FGF14: variants seen among roughly 807,000 people sequenced by gnomAD.
FGF14 encodes the protein fibroblast growth factor homologous factor 4.
In FGF14, 5 loss-of-function variants were observed where a neutral mutation model predicts 25.5. That is an observed-to-expected ratio of 0.20 (90% CI 0.10 to 0.41). The LOEUF is 0.41. Ranked by LOEUF, FGF14 falls within the 10% of genes least tolerant of loss-of-function variation. The pLI, the probability that FGF14 is intolerant of heterozygous loss-of-function variation, is 1.00. For synonymous variants in FGF14, 138 were observed against 118.3 expected (o/e 1.17, Z -1.08); for missense variants, 222 against 320.1 (o/e 0.69, Z 2.34).
At chr13:102,035,601 C>T (rs1358230536) in intron 1 of FGF14, among the ~76,000 whole-genome samples, 1 of 152,156 alleles carries the variant, frequency 6.6e-6, no homozygotes, top group Non-Finnish European at 1.5e-5. Flanking sequence ...GCATTGCTAA[C>T]TTTTACTTTT....
chr13:102,297,627 T>G (rs1217510549), intron 1 of FGF14, among the ~76,000 whole-genome samples: 1 of 151,972 alleles, frequency 6.6e-6, no homozygotes, highest in Non-Finnish European at 1.5e-5. Flanking sequence ...GGTTCATGCT[T>G]ATAATCCCAG....
At chr13:101,819,729 T>C (rs1436914291) in intron 3 of FGF14, among the ~76,000 whole-genome samples, 3 of 152,180 alleles carry the variant, frequency 2.0e-5, no homozygotes, top group Non-Finnish European at 2.9e-5. Context: ...TATTATAATA[T>C]GGATTTTTAG....
intron 1 of FGF14, among the ~76,000 whole-genome samples, chr13:102,155,209 C>T (rs4399419): frequency 0.058 from 8,858 of 152,288 alleles, 893 homozygotes; most frequent in East Asian, 0.5. Context: ...ACAGAATATA[C>T]ATTCTTTTCA....
At chr13:102,006,727 C>CTTTTTTTTTTTTTTTTTTTTTT (rs774872814) in intron 1 of FGF14, among the ~76,000 whole-genome samples, 2 of 61,948 alleles carry the variant, frequency 3.2e-5, no homozygotes, top group African/African-American at 1.4e-4. Context: ...AATCTTACTT[C>CTTTTTTTTTTTTTTTTTTTTTT]TTTTTTTTTT....
At chr13:102,192,063 C>T (rs530531693) in intron 1 of FGF14, among the ~76,000 whole-genome samples, 1 of 152,310 alleles carries the variant, frequency 6.6e-6, no homozygotes, top group East Asian at 1.9e-4. Flanking sequence ...TTACACAGCC[C>T]TGTCTCCAAG....
At chr13:102,014,987 C>G (rs891582708) in intron 1 of FGF14, among the ~76,000 whole-genome samples, 1 of 152,188 alleles carries the variant, frequency 6.6e-6, no homozygotes, top group African/African-American at 2.4e-5. Context: ...ATGGCACAAT[C>G]TCAGCTCACC....
At chr13:101,829,130 G>C (rs2140273104) in intron 3 of FGF14, among the ~76,000 whole-genome samples, 1 of 152,210 alleles carries the variant, frequency 6.6e-6, no homozygotes, top group Middle Eastern at 3.4e-3. Context: ...AAAAAGCAAA[G>C]TCAAGGAATA....
intron 1 of FGF14, among the ~76,000 whole-genome samples, chr13:102,004,062 T>C (rs930538700): frequency 6.6e-6 from 1 of 152,172 alleles, no homozygotes; most frequent in African/African-American, 2.4e-5. Context: ...TGCTGCTGAG[T>C]ACCAGATTTC....
At chr13:101,795,119 C>T (rs985652163) in intron 3 of FGF14, among the ~76,000 whole-genome samples, 19 of 152,192 alleles carry the variant, frequency 1.2e-4, no homozygotes, top group Middle Eastern at 6.8e-3. Context: ...GGCTGAAAAG[C>T]GCTTGTATTA....
rs988104789 is a variant in FGF14, at chr13:101,722,167, G to GTGTT, written c.*660_*663dup. The GTGTT allele has an allele frequency of 1.4e-4, 24 of 166,274 alleles. No homozygotes were observed. Among genetic ancestry groups the GTGTT allele is most frequent in the Admixed American group, 1.1e-3 (20 of 17,946 alleles). 10.3% of individuals were successfully genotyped at this position (166,274 alleles called of 1,614,324 possible). Reference sequence around the variant, plus strand: ...CTGCTACTGGACAGAGCGTATATGTGTGTTTAATCGATAGTGTGAGCCAGA... The same window carrying GTGTT: ...CTGCTACTGGACAGAGCGTATATGTGTGTTTGTTTAATCGATAGTGTGAGCCAGA... On this transcript the variant is annotated 3_prime_UTR_variant, in exon 5 of 5. Transcript: ENST00000376143.
chr13:101,794,399 G>C (rs1421040008), intron 3 of FGF14, among the ~76,000 whole-genome samples: 1 of 152,092 alleles, frequency 6.6e-6, no homozygotes, highest in African/African-American at 2.4e-5. Flanking sequence ...TTCTGGCCCT[G>C]ATCAGAAGGG....
chr13:102,268,459 T>C (rs60601750), intron 1 of FGF14, among the ~76,000 whole-genome samples: 18,509 of 152,110 alleles, frequency 0.12, 1,482 homozygotes, highest in East Asian at 0.39. Flanking sequence ...GTAGACATTA[T>C]ATAAAAGTTA....
intron 3 of FGF14, among the ~76,000 whole-genome samples, chr13:101,737,931 A>T (rs1305598355): frequency 6.6e-6 from 1 of 152,192 alleles, no homozygotes; most frequent in Admixed American, 6.5e-5. Flanking sequence ...AAACAAAAGG[A>T]TCAAAAATAC....
intron 1 of FGF14, among the ~76,000 whole-genome samples, chr13:102,202,367 TA>T (rs2049699167): frequency 6.6e-6 from 1 of 152,150 alleles, no homozygotes; most frequent in Non-Finnish European, 1.5e-5. Flanking sequence ...TGGAAGTTGG[TA>T]ACACTAGTTC....
chr13:101,771,607 G>A (rs2038776101), intron 3 of FGF14, among the ~76,000 whole-genome samples: 2 of 151,932 alleles, frequency 1.3e-5, no homozygotes, highest in African/African-American at 2.4e-5. Context: ...TACTCAATCA[G>A]GGTTGTTGTA....
chr13:101,983,402 T>A (rs887911750), intron 1 of FGF14, among the ~76,000 whole-genome samples: 3 of 152,176 alleles, frequency 2.0e-5, no homozygotes, highest in African/African-American at 7.2e-5. Flanking sequence ...GAAACTCAAG[T>A]CGTTGGTCAG....
intron 1 of FGF14, among the ~76,000 whole-genome samples, chr13:102,271,560 G>A (rs76162687): frequency 0.011 from 1,665 of 152,256 alleles, 28 homozygotes; most frequent in East Asian, 0.047. Flanking sequence ...AGATGAGTGA[G>A]CTCCTTTGAG....
At chr13:102,176,245 G>C (rs368195722) in intron 1 of FGF14, among the ~76,000 whole-genome samples, 1 of 152,102 alleles carries the variant, frequency 6.6e-6, no homozygotes, top group East Asian at 1.9e-4. Context: ...CCACAAAGAA[G>C]AATGAAATCA....
intron 1 of FGF14, among the ~76,000 whole-genome samples, chr13:101,987,602 T>C (rs897075797): frequency 4.6e-5 from 7 of 152,178 alleles, no homozygotes; most frequent in Admixed American, 2.6e-4. Context: ...ACTAGTTTAT[T>C]TTTATGTCAC....
Sources: allele counts gnomAD v4.1 joint callset (sites outside exome capture counted in the v4.1 genomes callset), GRCh38; gene constraint gnomAD v4.1.1; transcripts MANE v1.5; gene names NCBI Gene and HGNC (gene_info 2026-07-23, HGNC 2026-07-21).